PRIM2: variants seen among roughly 807,000 people sequenced by gnomAD.
The protein encoded by PRIM2 is DNA primase large subunit.
A neutral mutation model predicts 67.3 loss-of-function variants in PRIM2; 39 were observed. That is an observed-to-expected ratio of 0.58 (90% confidence interval 0.45 to 0.76). The LOEUF is 0.76. Among genes scored for constraint, PRIM2 ranks in the 30% least tolerant of loss-of-function variants. The probability of loss-of-function intolerance (pLI) is 0.00; values close to 1 mark genes in which losing one functional copy is unlikely to be tolerated. For synonymous variants in PRIM2, 143 were observed against 198.7 expected, an observed-to-expected ratio of 0.72 and a Z score of 2.36; for missense variants, 398 against 598.7, an observed-to-expected ratio of 0.66 and a Z score of 3.50.
rs1775076263 is a variant in PRIM2, at chr6:57,538,991, C to T, written c.1020+1366C>T. 7.9e-5 allele frequency among the ~76,000 whole-genome samples: 12 copies of T among 152,234 alleles called. No homozygotes were observed. In the South Asian group the frequency reaches 2.5e-3, roughly 32 times the overall value. On this transcript the variant is annotated intron_variant, in intron 10 of 13. Coordinates refer to ENST00000615550, the MANE Select transcript of PRIM2 (RefSeq NM_000947.5). ...TGACTTTTAGGAGATCACAATTCAG[C>T]TCGTGTGTGTAGCTATATACTTTAT...
chr6:57,502,147 C>T (rs1244291386), intron 7 of PRIM2, among the ~76,000 whole-genome samples: 2 of 152,062 alleles, frequency 1.3e-5, no homozygotes, highest in African/African-American at 4.8e-5. Context: ...ATTTTAAGCC[C>T]CCCAGCCAAG....
chr6:57,351,338 T>C (rs1470021993), intron 5 of PRIM2, among the ~76,000 whole-genome samples: 1 of 148,144 alleles, frequency 6.8e-6, no homozygotes, highest in Non-Finnish European at 1.5e-5. Context: ...TATTTTCAGG[T>C]TTGGATGTTC....
intron 5 of PRIM2, among the ~76,000 whole-genome samples, chr6:57,357,365 A>G (rs1338322605): frequency 6.6e-6 from 1 of 152,170 alleles, no homozygotes; most frequent in Non-Finnish European, 1.5e-5. Flanking sequence ...AGTTACCTCA[A>G]GCTCTCATCC....
At chr6:57,383,035 T>G (rs2127339000) in intron 7 of PRIM2, 1 of 152,244 alleles carries the variant, frequency 6.6e-6, no homozygotes, top group African/African-American at 2.4e-5. Flanking sequence ...TGAAGGAATT[T>G]ATGAGAACAC....
chr6:57,316,857 C>T (rs1368663723), upstream of PRIM2, among the ~76,000 whole-genome samples: 1 of 152,204 alleles, frequency 6.6e-6, no homozygotes, highest in Non-Finnish European at 1.5e-5. Flanking sequence ...ACCTTCCCTC[C>T]GAGGCTGGGT....
the PRIM2 span, among the ~76,000 whole-genome samples, chr6:57,222,695 CAG>C: frequency 6.6e-6 from 1 of 152,174 alleles, no homozygotes; most frequent in Non-Finnish European, 1.5e-5. Context: ...GTTAATTATT[CAG>C]AGAAGCGAAC....
intron 12 of PRIM2, among the ~76,000 whole-genome samples, chr6:57,623,237 T>G (rs1332278767): frequency 1.3e-5 from 2 of 152,190 alleles, no homozygotes; most frequent in Non-Finnish European, 2.9e-5. Flanking sequence ...TTAGAATTGG[T>G]GTCACCAGGC....
rs1316686640 is a variant in PRIM2, at chr6:57,460,432, A to G, written c.694-46955A>G. 1.7e-3 allele frequency among the ~76,000 whole-genome samples: 256 copies of G among 152,310 alleles called. 1 individual carries two copies. Among genetic ancestry groups the G allele is most frequent in the African/African-American group, 5.8e-3 (243 of 41,566 alleles). ...AATTGAAGAGTCTCTGCAATTCCAC[A>G]GAAGGCAGTACTTCCGAAAACCATC... On this transcript the variant is annotated intron_variant, in intron 7 of 13. Coordinates refer to ENST00000615550, the MANE Select transcript of PRIM2 (RefSeq NM_000947.5).
chr6:57,339,530 A>G (rs1347959524), intron 5 of PRIM2, among the ~76,000 whole-genome samples: 2 of 152,208 alleles, frequency 1.3e-5, no homozygotes, highest in African/African-American at 4.8e-5. Context: ...GGAACAGAAC[A>G]GAGCCCTCAG....
At position 57,462,631 on chromosome 6, in the gene PRIM2, A is replaced by T. The variant is rs1773044406; in HGVS notation, c.694-44756A>T. Among the ~76,000 whole-genome samples the T allele has an allele frequency of 6.6e-5, 10 of 152,294 alleles. No homozygotes were observed. In the South Asian group the frequency reaches 2.1e-3, roughly 32 times the overall value. ...TAGTCTTAGGCTGCCATAGTAGAAG[A>T]GCTCTGTTGTAGGGAGTATTTCCTT... On this transcript the variant is annotated intron_variant, in intron 7 of 13. Transcript: ENST00000615550.
the PRIM2 span, among the ~76,000 whole-genome samples, chr6:57,275,921 A>T: frequency 6.6e-6 from 1 of 152,232 alleles, no homozygotes; most frequent in Non-Finnish European, 1.5e-5. Flanking sequence ...AATTAGTAGC[A>T]AAATGAATTA....
intron 12 of PRIM2, among the ~76,000 whole-genome samples, chr6:57,617,022 G>A (rs1405646432): frequency 2.0e-5 from 3 of 152,158 alleles, no homozygotes; most frequent in African/African-American, 7.2e-5. Context: ...ATGGACACTG[G>A]GTTGTTTCCA....
At chr6:57,336,892 C>T (rs1424362064) in intron 5 of PRIM2, among the ~76,000 whole-genome samples, 1 of 152,054 alleles carries the variant, frequency 6.6e-6, no homozygotes, top group Non-Finnish European at 1.5e-5. Context: ...ACTAAATGCT[C>T]CAATTAAAAG....
chr6:57,245,938 A>C, the PRIM2 span, among the ~76,000 whole-genome samples: 1 of 152,160 alleles, frequency 6.6e-6, no homozygotes, highest in Non-Finnish European at 1.5e-5. Context: ...GATTGGTGTC[A>C]CTCTAGTCAT....
intron 12 of PRIM2, among the ~76,000 whole-genome samples, chr6:57,619,052 G>A (rs1341002793): frequency 4.6e-5 from 7 of 152,140 alleles, no homozygotes; most frequent in African/African-American, 1.2e-4. Context: ...TGGAACAGGC[G>A]CTGGTATCCG....
At chr6:57,312,553 A>C (rs914556764), upstream of PRIM2, among the ~76,000 whole-genome samples, 2 of 152,216 alleles carry the variant, frequency 1.3e-5, no homozygotes, top group Admixed American at 6.5e-5. Flanking sequence ...TAAGTTCTTA[A>C]TTTAATGTAG....
chr6:57,324,053 C>T, intron 3 of PRIM2, 148 bp from the exon 4 acceptor site: 1 of 542,036 alleles, frequency 1.8e-6, no homozygotes, highest in Non-Finnish European at 3.3e-6. Context: ...CACTACTCTC[C>T]AGTCTGGGTG....
chr6:57,579,794 G>A (rs1330135451), intron 10 of PRIM2, among the ~76,000 whole-genome samples: 4 of 152,036 alleles, frequency 2.6e-5, no homozygotes, highest in Non-Finnish European at 5.9e-5. Context: ...AATAAAGGTG[G>A]GCATGGGGAG....
intron 5 of PRIM2, among the ~76,000 whole-genome samples, chr6:57,337,342 G>A (rs1209486425): frequency 6.6e-6 from 1 of 152,002 alleles, no homozygotes; most frequent in African/African-American, 2.4e-5. Context: ...ATTGAACTCA[G>A]CTCTGCACCA....
Sources: gnomAD v4.1 joint callset for allele counts (sites outside exome capture counted in the v4.1 genomes callset) on GRCh38, gnomAD v4.1.1 for gene constraint, MANE v1.5 for transcripts, NCBI Gene and HGNC (gene_info 2026-07-23, HGNC 2026-07-21) for gene names.